Variants in NDUFAF5 observed in about 807,000 individuals in gnomAD.
NDUFAF5 encodes arginine-hydroxylase NDUFAF5, mitochondrial.
NDUFAF5 carries 34 observed loss-of-function variants against 48.9 expected under a neutral mutation model. The observed-to-expected ratio is 0.70, with a 90% CI of 0.53 to 0.93. The LOEUF is 0.93. NDUFAF5 is among the 40% of genes least tolerant of loss of function. The probability of loss-of-function intolerance (pLI) is 0.00; values close to 1 mark genes in which losing one functional copy is unlikely to be tolerated. For missense variants in NDUFAF5, 428 were observed against 427.5 expected (o/e 1.00, Z -0.01); for synonymous variants, 153 against 150.6 (o/e 1.02, Z -0.12).
At chr20:13,800,292 G>T (rs1983922363) in intron 6 of NDUFAF5, among the ~76,000 whole-genome samples, 1 of 152,194 alleles carries the variant, frequency 6.6e-6, no homozygotes, top group Non-Finnish European at 1.5e-5. Flanking sequence ...AACACTAAAG[G>T]TGAAGAAGGG....
Position 13,816,276 on chromosome 20 carries a change from A to G in NDUFAF5, c.779-187A>G, listed in dbSNP as rs938085349. The G allele has an allele frequency of 1.7e-5, 11 of 644,366 alleles. No homozygotes were observed. In the Admixed American group the frequency reaches 2.3e-4, roughly 13 times the overall value. 39.9% of individuals were successfully genotyped at this position (644,366 alleles called of 1,614,324 possible). A position where few individuals can be genotyped will look rare whatever the true frequency, so the allele number is the denominator to read the frequency against. On this transcript the variant is annotated intron_variant, in intron 8 of 10. Transcript: ENST00000378106. ...CTGTCTTAATGTTGAAAAAGTTTCA[A>G]GTAGTTTCGCTTTAGAGTCACTAAG... is the stretch of plus-strand genomic sequence containing the variant.
Position 13,817,227 on chromosome 20 carries a change from A to C in NDUFAF5, c.*17A>C, listed in dbSNP as rs760719665. ...TCACAATAAATATTTATTCAGTGTT[A>C]ATGTCGTCCAGAATTTTCATCAGAA... On this transcript the variant is annotated 3_prime_UTR_variant, in exon 11 of 11. Coordinates refer to ENST00000378106, the MANE Select transcript of NDUFAF5 (RefSeq NM_024120.5). The C allele has an allele frequency of 6.4e-7, 1 of 1,574,158 alleles. No individual in the cohort carries two copies. The highest frequency in any genetic ancestry group is 1.1e-5 in the South Asian group (1 of 90,258).
intron 6 of NDUFAF5, among the ~76,000 whole-genome samples, chr20:13,800,285 A>T (rs1983920943): frequency 6.6e-6 from 1 of 152,228 alleles, no homozygotes; most frequent in South Asian, 2.1e-4. Flanking sequence ...AGGAAGCAAC[A>T]CTAAAGGTGA....
Position 13,801,555 on chromosome 20 carries a change from C to G in NDUFAF5, c.589C>G (p.Leu197Val). The G allele has an allele frequency of 1.9e-6, 3 of 1,614,042 alleles. No individual in the cohort carries two copies. Among genetic ancestry groups the G allele is most frequent in the Non-Finnish European group, 2.5e-6 (3 of 1,179,950 alleles). ...AMFGGDTLYE[L>V]RCSLQLAETE... is the part of the protein sequence containing the mutation. The stretch of plus-strand genomic sequence containing the variant: ...GTTTGGAGGCGACACACTCTATGAA[C>G]TTCGGTGTTCCTTACAGTTAGCGGA... The change falls in exon 7 of 11, where the codon CTT becomes GTT. Residue 197 changes from leucine (L) to valine (V), a missense_variant. Physicochemically the swap from Leu to Val is conservative, Grantham distance 32 (BLOSUM62 1). Transcript: ENST00000378106.
rs1213221652 is a variant in NDUFAF5, at chr20:13,818,439, TG to T, written c.*1233del. ...AAGTAGAATTTGGCGTTTTGTTTTT[TG>T]GGGTTTTTTTTTTTTTTAGCTTAAT... On this transcript the variant is annotated 3_prime_UTR_variant, in exon 11 of 11. Coordinates refer to ENST00000378106, the MANE Select transcript of NDUFAF5 (RefSeq NM_024120.5). The T allele has an allele frequency of 3.3e-5, 11 of 332,008 alleles. No individual in the cohort carries two copies. The highest frequency in any genetic ancestry group is 8.0e-5 in the East Asian group (1 of 12,516). 20.6% of individuals were successfully genotyped at this position (332,008 alleles called of 1,614,324 possible). A position where few individuals can be genotyped will look rare whatever the true frequency, so the allele number is the denominator to read the frequency against.
At position 13,816,481 on chromosome 20, in the gene NDUFAF5, G is replaced by C. The variant is rs1986471901; in HGVS notation, c.797G>C (p.Cys266Ser). 2 of 1,613,874 alleles carry C rather than the reference G, an allele frequency of 1.2e-6. No homozygotes were observed. The highest frequency in any genetic ancestry group is 1.7e-6 in the Non-Finnish European group (2 of 1,179,894). Reference sequence around the variant, plus strand: ...TTTGTAGGTATGGGTGAGAGTAACTGTGCTTGGAATAGAAAAGCCCTGCTG... The same window carrying C: ...TTTGTAGGTATGGGTGAGAGTAACTCTGCTTGGAATAGAAAAGCCCTGCTG... Reference protein sequence around the residue: ...EDLQGMGESNCAWNRKALLHR... With the variant: ...EDLQGMGESNSAWNRKALLHR... Residue 266 changes from cysteine (C) to serine (S), a missense_variant, in exon 9 of 11, where the codon TGT becomes TCT. Coordinates refer to ENST00000378106, the MANE Select transcript of NDUFAF5 (RefSeq NM_024120.5).
chr20:13,788,402 C>T (rs1981581188), intron 2 of NDUFAF5, among the ~76,000 whole-genome samples, 187 bp from the exon 3 acceptor site: 1 of 152,190 alleles, frequency 6.6e-6, no homozygotes, highest in Non-Finnish European at 1.5e-5. Flanking sequence ...CTGTGAATAG[C>T]TAGCAGACAG....
At chr20:13,789,135 G>C (rs1014160577) in intron 3 of NDUFAF5, among the ~76,000 whole-genome samples, 1 of 152,098 alleles carries the variant, frequency 6.6e-6, no homozygotes, top group East Asian at 1.9e-4. Flanking sequence ...CTATCTATAC[G>C]ATATTGTGCT....
intron 5 of NDUFAF5, among the ~76,000 whole-genome samples, chr20:13,797,685 A>G (rs548793470): frequency 6.6e-6 from 1 of 152,302 alleles, no homozygotes; most frequent in African/African-American, 2.4e-5. Context: ...GTTTATCCAA[A>G]CCCTTAGAAT....
chr20:13,796,930 G>C (rs1174781825), intron 5 of NDUFAF5, among the ~76,000 whole-genome samples: 1 of 152,218 alleles, frequency 6.6e-6, no homozygotes, highest in African/African-American at 2.4e-5. Context: ...AGTGAGCCAA[G>C]ATCGCGCCAC....
rs559742927 is a variant in NDUFAF5, at chr20:13,805,783, T to A, written c.718-3059T>A. On this transcript the variant is annotated intron_variant, in intron 7 of 10. Transcript: ENST00000378106. ...GGGAGTCCTCATCTCTAAAAAAAAA[T>A]TTTTTTAAATAGCTGGGCCTGCCTG... Among the ~76,000 whole-genome samples, 473 of 151,732 alleles carry A rather than the reference T, an allele frequency of 3.1e-3. 3 individuals carry two copies. Among genetic ancestry groups the A allele is most frequent in the African/African-American group, 9.0e-3 (372 of 41,364 alleles).
Position 13,801,569 on chromosome 20 carries a change from A to G in NDUFAF5, c.603A>G (p.Leu201=), listed in dbSNP as rs1428331700. ...GDTLYELRCS[L]QLAETEREGG... ...CACTCTATGAACTTCGGTGTTCCTT[A>G]CAGTTAGCGGAAACGGAAAGGGAAG... The change falls in exon 7 of 11, where the codon TTA becomes TTG. Residue 201 remains leucine, a synonymous_variant. Coordinates refer to ENST00000378106, the MANE Select transcript of NDUFAF5 (RefSeq NM_024120.5). The G allele has an allele frequency of 3.7e-6, 6 of 1,613,862 alleles. No homozygotes were observed. The highest frequency in any genetic ancestry group is 3.4e-6 in the Non-Finnish European group (4 of 1,179,906).
intron 2 of NDUFAF5, 98 bp downstream of exon 2, chr20:13,787,450 G>A: frequency 1.8e-6 from 2 of 1,136,066 alleles, no homozygotes; most frequent in Non-Finnish European, 2.7e-6. Context: ...GCAGAACCTG[G>A]AAGAATTTAC....
chr20:13,789,379 G>A (rs374793821), intron 3 of NDUFAF5, among the ~76,000 whole-genome samples: 7 of 152,068 alleles, frequency 4.6e-5, no homozygotes, highest in South Asian at 2.1e-4. Flanking sequence ...TGGCAAGGCC[G>A]GTCTTGAACT....
chr20:13,802,197 G>A (rs144307378), intron 7 of NDUFAF5, among the ~76,000 whole-genome samples: 159 of 152,236 alleles, frequency 1.0e-3, no homozygotes, highest in Middle Eastern at 3.4e-3. Flanking sequence ...GAGAAATCTC[G>A]AAAGAAGACC....
chr20:13,808,236 G>A (rs736365), intron 7 of NDUFAF5, among the ~76,000 whole-genome samples: 44,678 of 152,030 alleles, frequency 0.29, 7,257 homozygotes, highest in Middle Eastern at 0.47. Context: ...GTGTCAAGGA[G>A]CACCTGGATA....
At chr20:13,790,976 T>C (rs1008008105) in intron 3 of NDUFAF5, among the ~76,000 whole-genome samples, 5 of 152,340 alleles carry the variant, frequency 3.3e-5, no homozygotes, top group Non-Finnish European at 7.3e-5. Flanking sequence ...GTCTTTCTTC[T>C]CTTACTGGAT....
At chr20:13,807,891 A>G (rs1985295093) in intron 7 of NDUFAF5, among the ~76,000 whole-genome samples, 1 of 152,142 alleles carries the variant, frequency 6.6e-6, no homozygotes, top group South Asian at 2.1e-4. Flanking sequence ...AGAGGCTGCA[A>G]CGAGCAGAGA....
intron 8 of NDUFAF5, 63 bp downstream of exon 8, chr20:13,808,965 T>A (rs45520242): frequency 2.6e-5 from 28 of 1,086,128 alleles, no homozygotes; most frequent in Non-Finnish European, 3.7e-5. Flanking sequence ...AAAAGAATTT[T>A]TAGACTCCAT....
Sources: gnomAD v4.1 joint callset for allele counts (sites outside exome capture counted in the v4.1 genomes callset) on GRCh38, gnomAD v4.1.1 for gene constraint, MANE v1.5 for transcripts, NCBI Gene and HGNC (gene_info 2026-07-23, HGNC 2026-07-21) for gene names.